ULK4: variants seen among roughly 807,000 people sequenced by gnomAD.
ULK4 encodes unc-51 like kinase 4.
In ULK4, 133 loss-of-function variants were observed where a neutral mutation model predicts 160.6. That is an observed-to-expected ratio of 0.83 (90% CI 0.72 to 0.96). The LOEUF is 0.96. Among genes scored for constraint, ULK4 ranks in the 40% least tolerant of loss-of-function variants. ULK4 has a pLI of 0.00. For synonymous variants in ULK4, 534 were observed against 539.8 expected (o/e 0.99, Z 0.15); for missense variants, 1,580 against 1,499.5 (o/e 1.05, Z -0.89).
rs147149351 is a variant in ULK4, at chr3:41,675,497, G to A, written c.2978+6011C>T. On this transcript the variant is annotated intron_variant, in intron 29 of 36. Coordinates refer to ENST00000301831, the MANE Select transcript of ULK4 (RefSeq NM_017886.4). ...CCCAGCTACTCAGGAGGCTGAGGCA[G>A]GAGAATCTCTTGAACCTGGGAGGCG... 3.3e-5 allele frequency among the ~76,000 whole-genome samples: 5 copies of A among 152,198 alleles called. No homozygotes were observed. In the East Asian group the frequency reaches 7.7e-4, roughly 24 times the overall value.
chr3:41,275,600 G>A (rs2079215729), intron 35 of ULK4, among the ~76,000 whole-genome samples: 1 of 152,182 alleles, frequency 6.6e-6, no homozygotes. Context: ...TTAAGAGAAT[G>A]GCCAAAGGGT....
chr3:41,509,531 T>C (rs550769048), intron 32 of ULK4, among the ~76,000 whole-genome samples: 1 of 152,310 alleles, frequency 6.6e-6, no homozygotes, highest in Non-Finnish European at 1.5e-5. Context: ...CTTCAGGTTA[T>C]CTAAAGTCAG....
chr3:41,932,602 G>C (rs2148823228), intron 4 of ULK4, among the ~76,000 whole-genome samples: 1 of 152,386 alleles, frequency 6.6e-6, no homozygotes, highest in Middle Eastern at 3.4e-3. Context: ...CATGTGACAA[G>C]TGCTCAAGTC....
intron 35 of ULK4, among the ~76,000 whole-genome samples, chr3:41,307,171 A>AAC (rs1553641417): frequency 1.3e-3 from 201 of 151,266 alleles, no homozygotes; most frequent in African/African-American, 4.2e-3. Flanking sequence ...AAAAAAAAAA[A>AAC]AACTGGAATA....
chr3:41,933,743 A>T (rs1699670774), intron 4 of ULK4, among the ~76,000 whole-genome samples: 1 of 148,328 alleles, frequency 6.7e-6, no homozygotes, highest in Non-Finnish European at 1.5e-5. Flanking sequence ...CAAAAAATTA[A>T]TAAAAAAAAA....
At chr3:41,936,075 A>T in intron 3 of ULK4, 135 bp from the exon 4 acceptor site, 1 of 1,139,206 alleles carries the variant, frequency 8.8e-7, no homozygotes, top group Non-Finnish European at 1.2e-6. Flanking sequence ...GTCAAGGAAC[A>T]CACATGTGAG....
rs528136713 is a variant in ULK4 at position 41,660,087 on chromosome 3, C to T, written c.3071+3520G>A. On this transcript the variant is annotated intron_variant, in intron 30 of 36. Transcript: ENST00000301831. ...GGCGTATCACCTGAGGTCGGGAGTTCGAGACCAGCCTGACCAACATGGAGA... is the reference window on the plus strand; with the variant it reads ...GGCGTATCACCTGAGGTCGGGAGTTTGAGACCAGCCTGACCAACATGGAGA... 3.3e-5 allele frequency among the ~76,000 whole-genome samples: 5 copies of T among 152,176 alleles called. No homozygotes were observed. In the South Asian group the frequency reaches 6.2e-4, roughly 19 times the overall value.
At chr3:41,899,929 G>A (rs1040938191) in intron 13 of ULK4, among the ~76,000 whole-genome samples, 13 of 151,914 alleles carry the variant, frequency 8.6e-5, no homozygotes, top group African/African-American at 3.1e-4. Flanking sequence ...CTAAACCACA[G>A]TAACGTTCCC....
At chr3:41,706,350 T>TATATATATATTTATATATATATTTA (rs1346323506) in intron 25 of ULK4, among the ~76,000 whole-genome samples, 26 of 144,710 alleles carry the variant, frequency 1.8e-4, no homozygotes, top group East Asian at 5.9e-4. Context: ...AACAAAATAA[T>TATATATATATTTATATATATATTTA]ATATATATAT....
chr3:41,523,480 TA>T (rs2086005485), intron 32 of ULK4, among the ~76,000 whole-genome samples: 1 of 152,200 alleles, frequency 6.6e-6, no homozygotes, highest in Admixed American at 6.5e-5. Context: ...ATTGTAACAT[TA>T]AAAATGGCTA....
At chr3:41,505,850 T>C (rs999167695) in intron 32 of ULK4, among the ~76,000 whole-genome samples, 7 of 152,180 alleles carry the variant, frequency 4.6e-5, no homozygotes, top group Non-Finnish European at 8.8e-5. Flanking sequence ...ATACAACATT[T>C]AATAAAAGTG....
intron 32 of ULK4, among the ~76,000 whole-genome samples, chr3:41,537,914 C>T (rs571405284): frequency 7.9e-5 from 11 of 139,834 alleles, no homozygotes; most frequent in Admixed American, 7.6e-4. Context: ...AAGGAATGTC[C>T]TTTGTGGCAT....
At chr3:41,947,898 A>T (rs1272971018) in intron 2 of ULK4, among the ~76,000 whole-genome samples, 2 of 152,160 alleles carry the variant, frequency 1.3e-5, no homozygotes, top group African/African-American at 4.8e-5. Context: ...TGTTGAAGTG[A>T]GTGAATGAAT....
chr3:41,855,734 GCT>G (rs1268855446), intron 17 of ULK4, among the ~76,000 whole-genome samples: 1 of 152,080 alleles, frequency 6.6e-6, no homozygotes, highest in Non-Finnish European at 1.5e-5. Flanking sequence ...TCAGGGATCA[GCT>G]CTGATTAGTT....
chr3:41,936,217 C>G lies in ULK4; in HGVS notation c.239-277G>C, dbSNP rs187349690. Among the ~76,000 whole-genome samples the G allele has an allele frequency of 3.3e-5, 5 of 152,316 alleles. No homozygotes were observed. In the East Asian group the frequency reaches 9.6e-4, roughly 29 times the overall value. Reference sequence around the variant, plus strand: ...TAAGATGAAAGGATAATAACCCTAACAGCTATAAATACTAATGGTAAATAC... The same window carrying G: ...TAAGATGAAAGGATAATAACCCTAAGAGCTATAAATACTAATGGTAAATAC... On this transcript the variant is annotated intron_variant, in intron 3 of 36. Coordinates refer to ENST00000301831, the MANE Select transcript of ULK4 (RefSeq NM_017886.4).
chr3:41,627,703 G>A (rs1217037979), intron 30 of ULK4, among the ~76,000 whole-genome samples: 1 of 152,192 alleles, frequency 6.6e-6, no homozygotes, highest in East Asian at 1.9e-4. Context: ...AGTCAAGCAG[G>A]TTAACAGATA....
chr3:41,805,415 C>T (rs972608327), intron 19 of ULK4, among the ~76,000 whole-genome samples: 31 of 152,224 alleles, frequency 2.0e-4, no homozygotes, highest in African/African-American at 6.0e-4. Context: ...AATATACAAT[C>T]ATGTTGTTTG....
chr3:41,388,262 T>C lies in ULK4; in HGVS notation c.3678+9817A>G, dbSNP rs555872161. ...TAAATTTGTTTGAGTTCATTGTAGA[T>C]TCTGGATATTAGCCCTTTGTCAGAT... On this transcript the variant is annotated intron_variant, in intron 35 of 36. Transcript: ENST00000301831. Among the ~76,000 whole-genome samples the C allele has an allele frequency of 7.4e-4, 112 of 152,258 alleles. 2 individuals are homozygous for C. The highest frequency in any genetic ancestry group is 7.0e-4 in the African/African-American group (29 of 41,506).
intron 27 of ULK4, among the ~76,000 whole-genome samples, chr3:41,693,535 T>C (rs575802893): frequency 2.6e-5 from 4 of 152,278 alleles, no homozygotes; most frequent in South Asian, 4.1e-4. Context: ...CATTATTAAA[T>C]GAAAAGGCAA....
Sources: allele counts gnomAD v4.1 joint callset (sites outside exome capture counted in the v4.1 genomes callset), GRCh38; gene constraint gnomAD v4.1.1; transcripts MANE v1.5; gene names NCBI Gene and HGNC (gene_info 2026-07-23, HGNC 2026-07-21).